The following MYO10 variants were observed in gnomAD, a reference collection of about 807,000 sequenced individuals.
MYO10 encodes the protein myosin X.
Under a neutral mutation model 257.3 loss-of-function variants are expected in MYO10, and 133 were observed. That is an observed-to-expected ratio of 0.52 (90% confidence interval 0.45 to 0.60). The LOEUF (loss-of-function observed/expected upper bound fraction) is 0.60. MYO10 is among the 20% of genes least tolerant of loss of function. The pLI, the probability that MYO10 is intolerant of heterozygous loss-of-function variation, is 0.00. For missense variants in MYO10, 2,399 were observed against 2,635.7 expected (o/e 0.91, Z 1.97); for synonymous variants, 1,104 against 1,028.6 (o/e 1.07, Z -1.40).
intron 3 of MYO10, among the ~76,000 whole-genome samples, chr5:16,817,696 A>T (rs1411833795): frequency 1.3e-5 from 2 of 152,178 alleles, no homozygotes; most frequent in African/African-American, 4.8e-5. Flanking sequence ...CTACAACTCC[A>T]TGACTTCTTT....
At chr5:16,820,531 G>A (rs1742768096) in intron 2 of MYO10, among the ~76,000 whole-genome samples, 1 of 152,052 alleles carries the variant, frequency 6.6e-6, no homozygotes, top group African/African-American at 2.4e-5. Context: ...CGCAACTCGA[G>A]TTCCCTTCCC....
chr5:16,903,438 T>A (rs1745440547), intron 1 of MYO10, among the ~76,000 whole-genome samples: 1 of 152,276 alleles, frequency 6.6e-6, no homozygotes, highest in South Asian at 2.1e-4. Context: ...TGCTCCCATC[T>A]TACAGACATG....
chr5:16,762,053 C>A lies in MYO10; in HGVS notation c.1648G>T (p.Ala550Ser). The A allele has an allele frequency of 1.3e-6, 2 of 1,544,992 alleles. No homozygotes were observed. Among genetic ancestry groups the A allele is most frequent in the Non-Finnish European group, 1.7e-6 (2 of 1,153,448 alleles). ...TCTTAATAAAAAGTTACCTCTCCAG[C>A]ATAGTGCTTCACTCCAAAATTGTTA... ...AVNNFGVKHY[A>S]GEVQYDVRGI... is the part of the protein sequence containing the mutation. Residue 550 changes from alanine to serine, a missense_variant, in exon 16 of 41, where the codon GCT (alanine) becomes TCT (serine). Physicochemically the swap from Ala to Ser is moderately conservative, Grantham distance 99 (BLOSUM62 1). This residue lies in a region of MYO10 where 337 missense variants were observed against 446.8 expected (regional missense o/e 0.75). Transcript: ENST00000513610.
At chr5:16,842,944 A>T (rs1345402134) in intron 2 of MYO10, among the ~76,000 whole-genome samples, 1 of 150,364 alleles carries the variant, frequency 6.7e-6, no homozygotes, top group Non-Finnish European at 1.5e-5. Context: ...AAAAAAAAGG[A>T]ACTTTGAAAT....
intron 25 of MYO10, among the ~76,000 whole-genome samples, chr5:16,699,898 T>G (rs1737963830): frequency 6.6e-6 from 1 of 152,106 alleles, no homozygotes; most frequent in African/African-American, 2.4e-5. Context: ...ATACCAACTT[T>G]TAAGGTCAAA....
chr5:16,695,248 C>T (rs559291749), intron 26 of MYO10, among the ~76,000 whole-genome samples: 69 of 152,226 alleles, frequency 4.5e-4, no homozygotes, highest in Admixed American at 1.8e-3. Context: ...GTAGGACAAT[C>T]GCTTGAATCC....
intron 2 of MYO10, among the ~76,000 whole-genome samples, chr5:16,823,444 TGCGC>T (rs1196377622): frequency 2.9e-4 from 1 of 3,422 alleles, no homozygotes; most frequent in East Asian, 0.014. Context: ...GACTCCATCT[TGCGC>T]GGGGGGGGGG....
At position 16,705,353 on chromosome 5, in the gene MYO10, G is replaced by C. The variant is rs186558188; in HGVS notation, c.2170-668C>G. On this transcript the variant is annotated intron_variant, in intron 21 of 40. Transcript: ENST00000513610. ...AATCAGGACTAAATAAATTGTAGCT[G>C]TTTGCTTGCCTATGTCTGAGAATGG... 1.8e-4 allele frequency among the ~76,000 whole-genome samples: 27 copies of C among 152,294 alleles called. No individual in the cohort carries two copies. In the East Asian group the frequency reaches 4.8e-3, roughly 27 times the overall value.
At chr5:16,698,091 C>A (rs970930313) in intron 26 of MYO10, among the ~76,000 whole-genome samples, 2 of 152,196 alleles carry the variant, frequency 1.3e-5, no homozygotes, top group African/African-American at 4.8e-5. Context: ...AATTTTCTGG[C>A]TAGGCATGGT....
chr5:16,793,240 G>C (rs949395592), intron 4 of MYO10, among the ~76,000 whole-genome samples: 3 of 152,184 alleles, frequency 2.0e-5, no homozygotes, highest in Admixed American at 1.3e-4. Flanking sequence ...AGGTCCAATA[G>C]AAATAATTAA....
intron 2 of MYO10, among the ~76,000 whole-genome samples, chr5:16,858,471 T>A (rs1182181859): frequency 6.6e-6 from 1 of 151,818 alleles, no homozygotes; most frequent in African/African-American, 2.4e-5. Context: ...GAGGTTTAAT[T>A]TGCATGCAAT....
In MYO10 at chr5:16,822,878, G is replaced by A. The variant is rs551642269; in HGVS notation, c.121-4711C>T. 2.6e-4 allele frequency among the ~76,000 whole-genome samples: 39 copies of A among 151,622 alleles called. No homozygotes were observed. The East Asian group carries it at 5.9e-3, about 23-fold the overall frequency. On this transcript the variant is annotated intron_variant, in intron 2 of 40. Transcript: ENST00000513610. ...AATTTTTTGTATTTTTAGTAGAGAC[G>A]GGGTTTCACTGTGTTAGCCAGGACG...
At chr5:16,902,223 TTTA>T in intron 1 of MYO10, 1 of 681,974 alleles carries the variant, frequency 1.5e-6, no homozygotes, top group African/African-American at 1.8e-5. Context: ...TTTTTTTTTT[TTTA>T]AAGTACAATT....
Position 16,679,935 on chromosome 5 carries a change from G to C in MYO10, c.4542+12C>G. On this transcript the variant is annotated intron_variant, in intron 33 of 40. Transcript: ENST00000513610. ...TGTAATCACCCACCTTGATGGGCTT[G>C]TCTTGGCTTACCTTGATATCTTGAA... 3 of 1,612,768 alleles carry C rather than the reference G, an allele frequency of 1.9e-6. No homozygotes were observed. The highest frequency in any genetic ancestry group is 1.7e-5 in the Admixed American group (1 of 59,944).
chr5:16,901,976 T>A (rs533171382), intron 1 of MYO10, among the ~76,000 whole-genome samples: 30 of 152,366 alleles, frequency 2.0e-4, no homozygotes, highest in Non-Finnish European at 4.1e-4. Context: ...ACAAAAGTAT[T>A]TTCCAGAAGT....
At chr5:16,791,908 G>C (rs1470341954) in intron 4 of MYO10, among the ~76,000 whole-genome samples, 1 of 152,100 alleles carries the variant, frequency 6.6e-6, no homozygotes, top group Non-Finnish European at 1.5e-5. Context: ...AATCTTAAAA[G>C]CTGTTTCTAT....
intron 1 of MYO10, among the ~76,000 whole-genome samples, chr5:16,922,259 A>C (rs999599312): frequency 1.3e-5 from 2 of 152,034 alleles, no homozygotes; most frequent in African/African-American, 4.8e-5. Context: ...AAGATCTGAA[A>C]AAAGGGCACA....
At chr5:16,864,374 G>C (rs1744185628) in intron 2 of MYO10, among the ~76,000 whole-genome samples, 1 of 152,134 alleles carries the variant, frequency 6.6e-6, no homozygotes, top group African/African-American at 2.4e-5. Flanking sequence ...CCCATTCTAA[G>C]AGACCTTGGT....
rs573605321 is a variant in MYO10, at chr5:16,904,846, G to A, written c.22-27139C>T. On this transcript the variant is annotated intron_variant, in intron 1 of 40. Coordinates refer to ENST00000513610, the MANE Select transcript of MYO10 (RefSeq NM_012334.3). ...CGGGAGCCTGAGGCAAGAGAATGGC[G>A]TGAACCCAGGAGGCGGAGCTTGCAG... Among the ~76,000 whole-genome samples, 4 of 152,152 alleles carry A rather than the reference G, an allele frequency of 2.6e-5. No homozygotes were observed. In the East Asian group the frequency reaches 7.7e-4, roughly 29 times the overall value.
Sources: gnomAD v4.1 joint callset for allele counts (sites outside exome capture counted in the v4.1 genomes callset) on GRCh38, gnomAD v4.1.1 for gene constraint, gnomAD v4.1.1 regional missense constraint, MANE v1.5 for transcripts, NCBI Gene and HGNC (gene_info 2026-07-23, HGNC 2026-07-21) for gene names.